COBL: variants seen among roughly 807,000 people sequenced by gnomAD.
COBL encodes cordon-bleu WH2 repeat protein, also known as protein cordon-bleu.
In COBL, 51 loss-of-function variants were observed where a neutral mutation model predicts 98.8. The observed-to-expected ratio is 0.52, with a 90% CI of 0.41 to 0.65. COBL has a LOEUF of 0.65. COBL is among the 30% of genes least tolerant of loss of function. The probability of loss-of-function intolerance (pLI) is 0.00; values close to 1 mark genes in which losing one functional copy is unlikely to be tolerated. For synonymous variants in COBL, 634 were observed against 651.7 expected (o/e 0.97, Z 0.41); for missense variants, 1,617 against 1,617.5 (o/e 1.00, Z 0.01).
chr7:51,141,816 G>T (rs982706832), intron 5 of COBL, among the ~76,000 whole-genome samples: 2 of 152,140 alleles, frequency 1.3e-5, no homozygotes, highest in Non-Finnish European at 2.9e-5. Flanking sequence ...AGCAGCTCAG[G>T]TCTGTCAAAG....
intron 6 of COBL, among the ~76,000 whole-genome samples, chr7:51,100,474 C>T (rs1795709345): frequency 6.6e-6 from 1 of 152,208 alleles, no homozygotes; most frequent in South Asian, 2.1e-4. Flanking sequence ...TTGCTTTGTT[C>T]TATGAATCCA....
intron 3 of COBL, 65 bp downstream of exon 3, chr7:51,193,314 C>A (rs1008741390): frequency 1.4e-6 from 2 of 1,420,056 alleles, no homozygotes; most frequent in African/African-American, 2.8e-5. Flanking sequence ...AAGAGCCACA[C>A]TGGCCCCTAC....
chr7:51,289,071 G>A (rs1800654838), intron 1 of COBL, among the ~76,000 whole-genome samples: 1 of 152,186 alleles, frequency 6.6e-6, no homozygotes, highest in Non-Finnish European at 1.5e-5. Flanking sequence ...TCTAAAGTCA[G>A]CAGCATCTCC....
At chr7:51,027,668 G>C (rs756209716) in intron 10 of COBL, 44 bp downstream of exon 10, 2 of 1,470,006 alleles carry the variant, frequency 1.4e-6, no homozygotes, top group African/African-American at 2.8e-5. Context: ...GTGCACTGAA[G>C]TGGGCAGGTG....
chr7:51,186,246 C>A (rs10488355), intron 4 of COBL, among the ~76,000 whole-genome samples: 10,345 of 152,244 alleles, frequency 0.068, 384 homozygotes, highest in Middle Eastern at 0.14. Flanking sequence ...TGCTCACGAA[C>A]TGACGATGGG....
intron 6 of COBL, among the ~76,000 whole-genome samples, chr7:51,086,917 C>T (rs1459547127): frequency 6.6e-6 from 1 of 151,874 alleles, no homozygotes; most frequent in Non-Finnish European, 1.5e-5. Flanking sequence ...GTAAATAACC[C>T]CATAAAGATG....
intron 1 of COBL, among the ~76,000 whole-genome samples, chr7:51,252,504 T>G (rs1449207867): frequency 6.6e-6 from 1 of 152,212 alleles, no homozygotes; most frequent in African/African-American, 2.4e-5. Context: ...TGTGACTGGC[T>G]TCTTTCACTT....
chr7:51,288,419 C>CT (rs1261213291), intron 1 of COBL, among the ~76,000 whole-genome samples: 1 of 102,178 alleles, frequency 9.8e-6, no homozygotes, highest in Non-Finnish European at 2.1e-5. Flanking sequence ...GGGCAACAGT[C>CT]TCCAAAAAAA....
intron 1 of COBL, among the ~76,000 whole-genome samples, chr7:51,294,333 A>AAATAAAT (rs1563136809): frequency 3.4e-3 from 456 of 135,320 alleles, no homozygotes; most frequent in African/African-American, 0.013. Context: ...AATAAATAAA[A>AAATAAAT]ATAAATAAAT....
At chr7:51,081,378 G>A (rs1188801869) in intron 7 of COBL, among the ~76,000 whole-genome samples, 5 of 152,200 alleles carry the variant, frequency 3.3e-5, no homozygotes. Context: ...AGGAAATGGA[G>A]CCACAAGGCA....
intron 1 of COBL, among the ~76,000 whole-genome samples, chr7:51,242,092 A>C (rs1319327280): frequency 6.6e-6 from 1 of 152,202 alleles, no homozygotes; most frequent in Non-Finnish European, 1.5e-5. Context: ...TTTGCGTAAG[A>C]GTATAACTTT....
At chr7:51,259,454 T>C (rs1329951169) in intron 1 of COBL, 4 of 529,702 alleles carry the variant, frequency 7.6e-6, no homozygotes, top group Non-Finnish European at 1.4e-5. Flanking sequence ...GATGAGCTGA[T>C]TGATGTGTTC....
At chr7:51,257,117 C>T (rs932183922) in intron 1 of COBL, among the ~76,000 whole-genome samples, 1 of 152,108 alleles carries the variant, frequency 6.6e-6, no homozygotes, top group Admixed American at 6.5e-5. Flanking sequence ...AGATGAGATG[C>T]AAAGCCAGAT....
intron 1 of COBL, among the ~76,000 whole-genome samples, chr7:51,220,288 G>A (rs531168278): frequency 7.9e-5 from 12 of 152,210 alleles, no homozygotes; most frequent in Non-Finnish European, 1.3e-4. Flanking sequence ...CACATCACAC[G>A]AATTAATGAT....
intron 1 of COBL, among the ~76,000 whole-genome samples, chr7:51,278,765 C>T (rs1476454642): frequency 6.6e-6 from 1 of 152,180 alleles, no homozygotes; most frequent in Non-Finnish European, 1.5e-5. Flanking sequence ...GCAAAAATAA[C>T]AGCACACTTT....
intron 7 of COBL, among the ~76,000 whole-genome samples, chr7:51,055,110 G>A (rs963820640): frequency 4.6e-5 from 7 of 152,138 alleles, no homozygotes; most frequent in East Asian, 1.9e-4. Context: ...ATCCCCAGCC[G>A]GAGTTCTCAG....
chr7:51,263,150 C>T (rs924331066), intron 1 of COBL, among the ~76,000 whole-genome samples: 8 of 152,156 alleles, frequency 5.3e-5, no homozygotes, highest in African/African-American at 1.7e-4. Context: ...GGAAGCCACC[C>T]GCAAGCCGAG....
intron 6 of COBL, among the ~76,000 whole-genome samples, chr7:51,133,581 G>A (rs1015898605): frequency 3.3e-5 from 5 of 152,192 alleles, no homozygotes; most frequent in African/African-American, 4.8e-5. Flanking sequence ...AGCCCTTTGG[G>A]TGATCTGATG....
chr7:51,197,936 T>C (rs929624940), intron 2 of COBL, among the ~76,000 whole-genome samples: 33 of 152,216 alleles, frequency 2.2e-4, no homozygotes, highest in Admixed American at 1.8e-3. Context: ...TTCTTGAAGA[T>C]AGCATACCAA....
Sources: gnomAD v4.1 joint callset for allele counts (sites outside exome capture counted in the v4.1 genomes callset) on GRCh38, gnomAD v4.1.1 for gene constraint, MANE v1.5 for transcripts, NCBI Gene and HGNC (gene_info 2026-07-23, HGNC 2026-07-21) for gene names.